CPNE4: variants seen among roughly 807,000 people sequenced by gnomAD.
CPNE4 encodes copine-4.
A neutral mutation model predicts 67.9 loss-of-function variants in CPNE4; 25 were observed. The ratio of observed to expected loss-of-function variants is 0.37; its 90% CI spans 0.27 to 0.51. CPNE4 has a LOEUF of 0.51. Ranked by LOEUF, CPNE4 falls within the 20% of genes least tolerant of loss-of-function variation. The pLI is 0.93. For missense variants in CPNE4, 464 were observed against 690.8 expected (o/e 0.67, Z 3.68); for synonymous variants, 242 against 244.9 (o/e 0.99, Z 0.11).
At chr3:131,998,724 G>T (rs2107658913) in intron 1 of CPNE4, among the ~76,000 whole-genome samples, 1 of 143,460 alleles carries the variant, frequency 7.0e-6, no homozygotes, top group Admixed American at 6.9e-5. Context: ...GAAATGAAAA[G>T]ATGGGTAAGG....
intron 1 of CPNE4, among the ~76,000 whole-genome samples, chr3:131,958,905 G>A (rs565377586): frequency 2.7e-5 from 4 of 147,802 alleles, no homozygotes; most frequent in Admixed American, 6.7e-5. Flanking sequence ...TGATTCGCCC[G>A]ACTTGGCCTC....
At chr3:131,873,938 C>A (rs1382284112) in intron 2 of CPNE4, among the ~76,000 whole-genome samples, 1 of 152,166 alleles carries the variant, frequency 6.6e-6, no homozygotes, top group Non-Finnish European at 1.5e-5. Flanking sequence ...TCCCCTCCAC[C>A]TCCAAATAAT....
intron 1 of CPNE4, among the ~76,000 whole-genome samples, chr3:131,955,207 T>G (rs535296642): frequency 1.2e-3 from 180 of 152,012 alleles, no homozygotes; most frequent in Non-Finnish European, 2.2e-3. Context: ...ATACCCAAAT[T>G]AACAGTACCA....
intron 1 of CPNE4, among the ~76,000 whole-genome samples, chr3:131,971,297 C>T (rs117790217): frequency 2.0e-5 from 3 of 152,292 alleles, no homozygotes; most frequent in East Asian, 3.9e-4. Flanking sequence ...CTTGTAAGTC[C>T]TAGAACATCA....
chr3:131,544,564 T>A (rs1478046348), intron 14 of CPNE4, among the ~76,000 whole-genome samples: 1 of 152,206 alleles, frequency 6.6e-6, no homozygotes, highest in Non-Finnish European at 1.5e-5. Flanking sequence ...CTTCTATGTC[T>A]GTATTTTCTG....
intron 15 of CPNE4, among the ~76,000 whole-genome samples, chr3:131,540,533 G>T (rs1935423726): frequency 6.6e-6 from 1 of 152,190 alleles, no homozygotes; most frequent in Non-Finnish European, 1.5e-5. Flanking sequence ...TATGTATGGG[G>T]GTGGGAGGAT....
intron 1 of CPNE4, among the ~76,000 whole-genome samples, chr3:131,930,728 T>C (rs904825964): frequency 1.3e-5 from 2 of 152,158 alleles, no homozygotes; most frequent in Admixed American, 6.5e-5. Context: ...TTCCCAATTA[T>C]ATGTGGTTCT....
chr3:131,829,640 A>G (rs1247961735), intron 2 of CPNE4, among the ~76,000 whole-genome samples: 3 of 152,206 alleles, frequency 2.0e-5, no homozygotes, highest in Non-Finnish European at 4.4e-5. Context: ...GATTACTTAA[A>G]AAAACAACAA....
intron 2 of CPNE4, among the ~76,000 whole-genome samples, chr3:131,837,114 A>T (rs1031504145): frequency 6.6e-6 from 1 of 152,162 alleles, no homozygotes; most frequent in East Asian, 1.9e-4. Context: ...TTGATCTCTC[A>T]TGTACTGTTG....
chr3:131,623,708 A>G (rs1940593726), intron 7 of CPNE4, among the ~76,000 whole-genome samples: 1 of 152,234 alleles, frequency 6.6e-6, no homozygotes, highest in Non-Finnish European at 1.5e-5. Context: ...TAAAATGCAT[A>G]TTCCCAAGTT....
rs67648379 is a variant in CPNE4 at position 131,902,075 on chromosome 3, T to TTTA, written c.180+3186_180+3188dup. Among the ~76,000 whole-genome samples, 84 of 150,966 alleles carry TTTA rather than the reference T, an allele frequency of 5.6e-4. No homozygotes were observed. In the East Asian group the frequency reaches 6.3e-3, roughly 11 times the overall value. ...TTAGCCACCTGGCATGCACTTTGGT[T>TTTA]TTATTATTATTATTATTATTATATC... is the stretch of plus-strand genomic sequence containing the variant. On this transcript the variant is annotated intron_variant, in intron 2 of 15. Transcript: ENST00000429747.
intron 2 of CPNE4, among the ~76,000 whole-genome samples, chr3:131,747,494 CT>C (rs2082521560): frequency 1.3e-5 from 2 of 151,744 alleles, no homozygotes; most frequent in African/African-American, 4.8e-5. Flanking sequence ...TTTTTAGCAA[CT>C]GTAAGTGTTG....
chr3:131,581,754 A>T, intron 8 of CPNE4, 89 bp from the exon 9 acceptor site: 1 of 877,198 alleles, frequency 1.1e-6, no homozygotes, highest in South Asian at 1.4e-5. Flanking sequence ...CTGAGGACAA[A>T]CTGAACTGGA....
rs72983608 is a variant in CPNE4 at position 131,643,879 on chromosome 3, C to T, written c.681+25796G>A. ...AGAAGGACTTATTTGCCTCTCCTTC[C>T]GCCACAATTGTAAGTTTTCTGAGGC... On this transcript the variant is annotated intron_variant, in intron 7 of 15. Transcript: ENST00000429747. Among the ~76,000 whole-genome samples the T allele has an allele frequency of 9.7e-3, 1,476 of 152,174 alleles. 18 individuals carry two copies. Among genetic ancestry groups the T allele is most frequent in the African/African-American group, 0.033 (1,386 of 41,522 alleles).
intron 1 of CPNE4, among the ~76,000 whole-genome samples, chr3:131,953,048 C>T (rs1318252935): frequency 6.6e-6 from 1 of 151,828 alleles, no homozygotes; most frequent in Non-Finnish European, 1.5e-5. Context: ...AGGCAGCATG[C>T]TCGTTAAGAG....
At chr3:131,935,777 C>A (rs965152058) in intron 1 of CPNE4, among the ~76,000 whole-genome samples, 1 of 151,946 alleles carries the variant, frequency 6.6e-6, no homozygotes. Flanking sequence ...GTCAATCTAG[C>A]AAGCTGGAAG....
At chr3:131,592,717 C>T (rs1044950240) in intron 7 of CPNE4, among the ~76,000 whole-genome samples, 3 of 151,970 alleles carry the variant, frequency 2.0e-5, no homozygotes, top group African/African-American at 7.2e-5. Context: ...GAATCAAGGT[C>T]TCATGAGTCT....
In CPNE4 at chr3:131,596,142, TAACA is replaced by T. The variant is rs199849209; in HGVS notation, c.682-8564_682-8561del. Among the ~76,000 whole-genome samples the T allele has an allele frequency of 4.2e-3, 638 of 151,878 alleles. 1 individual carries two copies. Among genetic ancestry groups the T allele is most frequent in the African/African-American group, 0.012 (500 of 41,406 alleles). ...TGAGTAGATCTCATTTTAAGTGTTC[TAACA>T]AACAAACAAACAAACAAATAAATAA... On this transcript the variant is annotated intron_variant, in intron 7 of 15. Coordinates refer to ENST00000429747, the MANE Select transcript of CPNE4 (RefSeq NM_130808.3).
At chr3:132,025,513 C>G (rs1326783657) in intron 1 of CPNE4, among the ~76,000 whole-genome samples, 1 of 152,138 alleles carries the variant, frequency 6.6e-6, no homozygotes, top group East Asian at 1.9e-4. Context: ...GATTCAGTAG[C>G]TATGAAAAGC....
Sources: gnomAD v4.1 joint callset for allele counts (sites outside exome capture counted in the v4.1 genomes callset) on GRCh38, gnomAD v4.1.1 for gene constraint, MANE v1.5 for transcripts, NCBI Gene and HGNC (gene_info 2026-07-23, HGNC 2026-07-21) for gene names.